The following CCDC3 variants were observed in gnomAD, a reference collection of about 807,000 sequenced individuals.
The protein encoded by CCDC3 is coiled-coil domain-containing protein 3.
In CCDC3, 24 loss-of-function variants were observed where a neutral mutation model predicts 21.4. That is an observed-to-expected ratio of 1.12 (90% CI 0.81 to 1.58). The LOEUF (loss-of-function observed/expected upper bound fraction) is 1.58, where lower values mean the gene tolerates loss of function less well. Among genes scored for constraint, CCDC3 ranks in the 40% most tolerant of loss-of-function variants. The pLI is 0.00. For missense variants in CCDC3, 425 were observed against 360.9 expected (o/e 1.18, Z -1.44); for synonymous variants, 186 against 166.0 (o/e 1.12, Z -0.93).
intron 1 of CCDC3, among the ~76,000 whole-genome samples, 165 bp from the exon 2 acceptor site, chr10:12,998,677 C>T (rs903781476): frequency 6.6e-6 from 1 of 151,586 alleles, no homozygotes; most frequent in Admixed American, 6.5e-5. Context: ...TTGTCTCACG[C>T]TACATCAGTC....
intron 2 of CCDC3, among the ~76,000 whole-genome samples, chr10:12,995,086 G>GAAAA (rs11355303): frequency 7.1e-6 from 1 of 140,106 alleles, no homozygotes; most frequent in African/African-American, 2.6e-5. Flanking sequence ...CATCTCAAAA[G>GAAAA]AAAAAAAAAA....
intron 1 of CCDC3, among the ~76,000 whole-genome samples, chr10:12,998,922 C>G (rs1835805279): frequency 6.6e-6 from 1 of 152,170 alleles, no homozygotes; most frequent in Admixed American, 6.5e-5. Flanking sequence ...CTCCTCTAAG[C>G]TTCAGTATTC....
intron 2 of CCDC3, among the ~76,000 whole-genome samples, chr10:12,973,586 G>T (rs1460719622): frequency 6.6e-6 from 1 of 152,212 alleles, no homozygotes; most frequent in African/African-American, 2.4e-5. Flanking sequence ...TTACTGGGTG[G>T]GTTCCCAGCA....
chr10:12,911,295 C>CT (rs1250077079), intron 2 of CCDC3, among the ~76,000 whole-genome samples: 5 of 152,210 alleles, frequency 3.3e-5, no homozygotes, highest in African/African-American at 1.2e-4. Flanking sequence ...AACGGGGACT[C>CT]TATCTCTGGT....
At chr10:13,081,456 C>G (rs1441636928) in intron 3 of CCDC3, among the ~76,000 whole-genome samples, 1 of 152,182 alleles carries the variant, frequency 6.6e-6, no homozygotes, top group African/African-American at 2.4e-5. Context: ...GCCGTTCACA[C>G]AGCAGAAAAG....
intron 3 of CCDC3, among the ~76,000 whole-genome samples, chr10:13,093,783 G>A (rs1404977724): frequency 6.6e-6 from 1 of 152,078 alleles, no homozygotes; most frequent in African/African-American, 2.4e-5. Context: ...AAATAAGTGA[G>A]ATGGAAAAAA....
chr10:13,048,462 G>A (rs761042789), intron 5 of CCDC3, among the ~76,000 whole-genome samples: 2 of 152,124 alleles, frequency 1.3e-5, no homozygotes, highest in Non-Finnish European at 2.9e-5. Flanking sequence ...AAAGTGCTGG[G>A]ATTACAGGTG....
intron 4 of CCDC3, among the ~76,000 whole-genome samples, chr10:13,052,790 A>G (rs1262793593): frequency 6.6e-6 from 1 of 152,064 alleles, no homozygotes; most frequent in Non-Finnish European, 1.5e-5. Context: ...AAATACAAAA[A>G]TTCGCCAGAT....
At position 13,001,612 on chromosome 10, in the gene CCDC3, C is replaced by T. The variant is rs1200918140; in HGVS notation, c.-42G>A. 1.5e-5 allele frequency: 17 copies of T among 1,109,642 alleles called. No homozygotes were observed. The highest frequency in any genetic ancestry group is 1.9e-5 in the Non-Finnish European group (17 of 910,762). 68.7% of individuals were successfully genotyped at this position (1,109,642 alleles called of 1,614,324 possible). ...GCGCACGGGGCGGCGGCGGGGAGCCCGGGGAGCCCGCCGGCCCGGGAAGGG... is the reference window on the plus strand; with the variant it reads ...GCGCACGGGGCGGCGGCGGGGAGCCTGGGGAGCCCGCCGGCCCGGGAAGGG... On this transcript the variant is annotated 5_prime_UTR_variant, in exon 1 of 3. Coordinates refer to ENST00000378825, the MANE Select transcript of CCDC3 (RefSeq NM_031455.4).
chr10:13,093,166 A>G (rs1832595585), intron 3 of CCDC3, among the ~76,000 whole-genome samples: 1 of 152,256 alleles, frequency 6.6e-6, no homozygotes, highest in South Asian at 2.1e-4. Context: ...GTGATTTATA[A>G]AGAAAAAGAG....
At chr10:13,011,365 A>T (rs767930728) in intron 5 of CCDC3, among the ~76,000 whole-genome samples, 23 of 152,182 alleles carry the variant, frequency 1.5e-4, no homozygotes, top group Non-Finnish European at 3.2e-4. Context: ...CAGTGTACAA[A>T]AATCAGTAGC....
intron 2 of CCDC3, among the ~76,000 whole-genome samples, chr10:12,929,087 C>A (rs1031658982): frequency 3.9e-5 from 6 of 152,008 alleles, no homozygotes; most frequent in Non-Finnish European, 8.8e-5. Context: ...GATGGTGAAA[C>A]CCCTCCTCTA....
intron 5 of CCDC3, among the ~76,000 whole-genome samples, chr10:13,024,226 GT>G (rs201930276): frequency 1.5e-4 from 22 of 148,072 alleles, no homozygotes; most frequent in African/African-American, 3.5e-4. Context: ...TCTTTCCTTA[GT>G]TTTTTTTTTC....
intron 2 of CCDC3, among the ~76,000 whole-genome samples, chr10:12,912,826 T>A (rs1385586291): frequency 6.6e-6 from 1 of 152,202 alleles, no homozygotes; most frequent in Non-Finnish European, 1.5e-5. Context: ...TCTCTGCACG[T>A]AGATACTCAA....
chr10:13,051,734 G>C (rs1460070593), intron 4 of CCDC3, among the ~76,000 whole-genome samples: 1 of 152,118 alleles, frequency 6.6e-6, no homozygotes, highest in Non-Finnish European at 1.5e-5. Context: ...ACTGGGGGTG[G>C]TATGCCTGAG....
upstream of CCDC3, among the ~76,000 whole-genome samples, chr10:13,005,921 A>G (rs1324024408): frequency 2.6e-5 from 4 of 152,154 alleles, no homozygotes; most frequent in Non-Finnish European, 5.9e-5. Context: ...CTCTTTTCCC[A>G]TTTAGATCAT....
chr10:12,898,399 G>A lies in CCDC3; in HGVS notation c.*17C>T, dbSNP rs757421853. The stretch of plus-strand genomic sequence containing the variant: ...CCGTCAGGATTGGCCCTGCACACCT[G>A]GCAGCCCCCAGGCCCGTTACCCCCG... On this transcript the variant is annotated 3_prime_UTR_variant, in exon 3 of 3. Transcript: ENST00000378825. 1.9e-6 allele frequency: 3 copies of A among 1,575,048 alleles called. No homozygotes were observed. Among genetic ancestry groups the A allele is most frequent in the Non-Finnish European group, 2.6e-6 (3 of 1,159,768 alleles).
At chr10:13,041,432 C>T (rs1470124140) in intron 5 of CCDC3, among the ~76,000 whole-genome samples, 2 of 149,010 alleles carry the variant, frequency 1.3e-5, no homozygotes, top group Non-Finnish European at 3.0e-5. Context: ...ATATCTTGTT[C>T]CACACTAAGT....
chr10:13,070,434 G>T (rs1215744642), intron 4 of CCDC3, among the ~76,000 whole-genome samples: 1 of 152,206 alleles, frequency 6.6e-6, no homozygotes, highest in Non-Finnish European at 1.5e-5. Flanking sequence ...TGACTGGAAA[G>T]GTATGCTTCC....
Sources: allele counts gnomAD v4.1 joint callset (sites outside exome capture counted in the v4.1 genomes callset), GRCh38; gene constraint gnomAD v4.1.1; transcripts MANE v1.5; gene names NCBI Gene and HGNC (gene_info 2026-07-23, HGNC 2026-07-21).